Variants in LINGO2 observed in about 807,000 individuals in gnomAD.
LINGO2 encodes the protein leucine rich repeat and Ig domain containing 2, also known as leucine-rich repeat and immunoglobulin-like domain-containing nogo receptor-interacting protein 2.
A neutral mutation model predicts 30.6 loss-of-function variants in LINGO2; 14 were observed. The ratio of observed to expected loss-of-function variants is 0.46; its 90% CI spans 0.30 to 0.72. LINGO2 has a LOEUF of 0.72. LINGO2 is among the 30% of genes least tolerant of loss of function. LINGO2 has a pLI of 0.07. For synonymous variants in LINGO2, 317 were observed against 288.5 expected, an observed-to-expected ratio of 1.10 and a Z score of -1.00; for missense variants, 729 against 751.7, an observed-to-expected ratio of 0.97 and a Z score of 0.35.
the LINGO2 span, among the ~76,000 whole-genome samples, chr9:29,115,942 T>G: frequency 6.6e-6 from 1 of 152,156 alleles, no homozygotes; most frequent in African/African-American, 2.4e-5. Context: ...GTATATCACT[T>G]ATTGTAGGAT....
the LINGO2 span, among the ~76,000 whole-genome samples, chr9:28,975,194 A>T: frequency 1.1e-5 from 1 of 93,248 alleles, no homozygotes; most frequent in East Asian, 2.9e-4. Context: ...TACTGGTGTG[A>T]TTTACACAAA....
At chr9:28,553,923 A>T (rs1191069786) in intron 1 of LINGO2, among the ~76,000 whole-genome samples, 1 of 152,026 alleles carries the variant, frequency 6.6e-6, no homozygotes, top group Admixed American at 6.6e-5. Flanking sequence ...AGGAGAAATA[A>T]AATACTTTAC....
At chr9:28,469,265 T>A (rs1576734) in intron 2 of LINGO2, among the ~76,000 whole-genome samples, 101,969 of 149,084 alleles carry the variant, frequency 0.68, 34,661 homozygotes, top group East Asian at 0.83. Context: ...GTCTGAAGAG[T>A]AAAAAGAAAA....
chr9:28,825,254 T>C, the LINGO2 span, among the ~76,000 whole-genome samples: 1 of 152,024 alleles, frequency 6.6e-6, no homozygotes, highest in Non-Finnish European at 1.5e-5. Context: ...TTGACTACAA[T>C]GGATGTCTAT....
intron 2 of LINGO2, among the ~76,000 whole-genome samples, chr9:28,383,480 T>C (rs931354202): frequency 5.3e-5 from 8 of 152,038 alleles, no homozygotes; most frequent in Non-Finnish European, 7.4e-5. Flanking sequence ...TAGAGGCTAC[T>C]GGTGAGGCAG....
intron 4 of LINGO2, among the ~76,000 whole-genome samples, chr9:28,284,098 C>G (rs1040993838): frequency 6.6e-6 from 1 of 152,128 alleles, no homozygotes; most frequent in African/African-American, 2.4e-5. Flanking sequence ...ACTCCATAGT[C>G]TACTGTAACA....
intron 1 of LINGO2, among the ~76,000 whole-genome samples, chr9:28,622,198 T>C (rs1587974419): frequency 1.3e-5 from 2 of 152,036 alleles, no homozygotes; most frequent in African/African-American, 4.8e-5. Flanking sequence ...AATTAAACTA[T>C]TATTGACTAT....
the LINGO2 span, among the ~76,000 whole-genome samples, chr9:28,832,882 T>C: frequency 6.6e-6 from 1 of 152,112 alleles, no homozygotes; most frequent in African/African-American, 2.4e-5. Flanking sequence ...TCATGTTTTG[T>C]ATAGTGTACC....
At chr9:27,968,204 A>G (rs1820190662) in intron 5 of LINGO2, among the ~76,000 whole-genome samples, 1 of 152,146 alleles carries the variant, frequency 6.6e-6, no homozygotes, top group South Asian at 2.1e-4. Flanking sequence ...TGTCCAGTAA[A>G]CAAATTAATT....
chr9:28,329,076 T>C lies in LINGO2; in HGVS notation c.-245-33710A>G, dbSNP rs566327280. Among the ~76,000 whole-genome samples, 5 of 152,174 alleles carry C rather than the reference T, an allele frequency of 3.3e-5. No homozygotes were observed. The highest frequency in any genetic ancestry group is 7.3e-5 in the Non-Finnish European group (5 of 68,028). ...ATCCCTTACAAGAGCAGTCCCAGTA[T>C]TTCTTGGTGTGTTGCTCATGTTCAT... is the stretch of plus-strand genomic sequence containing the variant. On this transcript the variant is annotated intron_variant, in intron 3 of 5. Transcript: ENST00000379992. This position sits in a 1 kb window ranked among gnomAD's most constrained non-coding sequence, Gnocchi z 4.5.
intron 1 of LINGO2, among the ~76,000 whole-genome samples, chr9:28,489,018 C>A (rs1003207759): frequency 2.0e-4 from 31 of 152,154 alleles, no homozygotes; most frequent in African/African-American, 7.2e-4. Context: ...GCTATTGAGA[C>A]CGAGGCTTCA....
chr9:28,257,569 C>T (rs1822424390), intron 4 of LINGO2, among the ~76,000 whole-genome samples: 1 of 151,832 alleles, frequency 6.6e-6, no homozygotes, highest in South Asian at 2.1e-4. Context: ...AAAATAATTC[C>T]ATAAGTAAGA....
At chr9:28,885,426 CACAT>C in the LINGO2 span, among the ~76,000 whole-genome samples, 2 of 143,372 alleles carry the variant, frequency 1.4e-5, no homozygotes, top group African/African-American at 5.0e-5. Flanking sequence ...TATATACACA[CACAT>C]ATACATATAT....
chr9:28,267,430 C>T lies in LINGO2; in HGVS notation c.-87+27778G>A, dbSNP rs184072730. Among the ~76,000 whole-genome samples the T allele has an allele frequency of 6.6e-5, 10 of 152,110 alleles. No homozygotes were observed. The East Asian group carries it at 1.9e-3, about 30-fold the overall frequency. ...AAACATTCACACCCAGAATGAATTT[C>T]AAACTATTTTATCTGGGTTGTAGTT... On this transcript the variant is annotated intron_variant, in intron 4 of 5. Coordinates refer to ENST00000379992, the Ensembl canonical transcript of LINGO2.
intron 1 of LINGO2, among the ~76,000 whole-genome samples, chr9:28,587,572 T>A (rs1265428399): frequency 1.3e-5 from 2 of 151,778 alleles, no homozygotes; most frequent in Non-Finnish European, 2.9e-5. Context: ...CAGGGCTTAG[T>A]ATGCGATGGG....
chr9:27,941,673 C>T, the LINGO2 span: 1 of 152,186 alleles, frequency 6.6e-6, no homozygotes, highest in Non-Finnish European at 1.5e-5. Context: ...GATGATGACA[C>T]CTGCCTGAAC....
chr9:29,117,414 C>T, the LINGO2 span, among the ~76,000 whole-genome samples: 2 of 152,080 alleles, frequency 1.3e-5, no homozygotes, highest in East Asian at 3.9e-4. Flanking sequence ...CTGAACACAC[C>T]TTAAAAGAAA....
At chr9:28,045,301 AGGGAG>A (rs1824369369) in intron 4 of LINGO2, among the ~76,000 whole-genome samples, 1 of 152,168 alleles carries the variant, frequency 6.6e-6, no homozygotes, top group South Asian at 2.1e-4. Context: ...ACCCTGACAG[AGGGAG>A]AGTTAAACTT....
intron 2 of LINGO2, among the ~76,000 whole-genome samples, chr9:28,424,485 A>C (rs1823325638): frequency 6.6e-6 from 1 of 152,106 alleles, no homozygotes; most frequent in Admixed American, 6.6e-5. Flanking sequence ...AACTAACAGC[A>C]CATATATGAT....
Sources: allele counts gnomAD v4.1 joint callset (sites outside exome capture counted in the v4.1 genomes callset), GRCh38; gene constraint gnomAD v4.1.1; non-coding constraint Gnocchi (gnomAD v3.1); transcripts MANE v1.5; gene names NCBI Gene and HGNC (gene_info 2026-07-23, HGNC 2026-07-21).